NDUFA8: variants seen among roughly 807,000 people sequenced by gnomAD.
NDUFA8 encodes the protein NADH:ubiquinone oxidoreductase subunit A8, also known as NADH dehydrogenase [ubiquinone] 1 alpha subcomplex subunit 8.
In NDUFA8, 16 loss-of-function variants were observed where a neutral mutation model predicts 20.9. The ratio of observed to expected loss-of-function variants is 0.77; its 90% CI spans 0.52 to 1.16. The LOEUF (loss-of-function observed/expected upper bound fraction) is 1.16. Among genes scored for constraint, NDUFA8 ranks in the 50% most tolerant of loss-of-function variants. The pLI, the probability that NDUFA8 is intolerant of heterozygous loss-of-function variation, is 0.00. For synonymous variants in NDUFA8, 70 were observed against 76.1 expected (o/e 0.92, Z 0.41); for missense variants, 202 against 216.4 (o/e 0.93, Z 0.42).
downstream of NDUFA8, among the ~76,000 whole-genome samples, chr9:122,140,511 C>A (rs1202534044): frequency 6.6e-6 from 1 of 152,146 alleles, no homozygotes; most frequent in Non-Finnish European, 1.5e-5. Context: ...GGTTTTACAG[C>A]ACGTAAAGGG....
chr9:122,150,744 C>A (rs1056886053), intron 2 of NDUFA8, among the ~76,000 whole-genome samples: 1 of 151,804 alleles, frequency 6.6e-6, no homozygotes, highest in African/African-American at 2.4e-5. Context: ...CCAAGGAGAG[C>A]GGATCACTTG....
intron 3 of NDUFA8, 39 bp downstream of exon 3, chr9:122,148,073 T>A (rs1250160694): frequency 6.2e-7 from 1 of 1,613,010 alleles, no homozygotes; most frequent in Admixed American, 1.7e-5. Flanking sequence ...ATCCCACCCC[T>A]GAATCAGAAA....
chr9:122,152,112 G>T, intron 2 of NDUFA8, 133 bp downstream of exon 2: 1 of 987,944 alleles, frequency 1.0e-6, no homozygotes, highest in Non-Finnish European at 1.5e-6. Context: ...ATCATCCTTT[G>T]AATGTTTTAC....
intron 1 of NDUFA8, among the ~76,000 whole-genome samples, chr9:122,158,132 A>G (rs748827701): frequency 6.6e-6 from 1 of 152,194 alleles, no homozygotes; most frequent in Non-Finnish European, 1.5e-5. Context: ...CAGCCTGGGC[A>G]ACAGAGCGAG....
chr9:122,151,603 G>A (rs1418094026), intron 2 of NDUFA8, among the ~76,000 whole-genome samples: 3 of 152,144 alleles, frequency 2.0e-5, no homozygotes, highest in Non-Finnish European at 4.4e-5. Context: ...AAAGAGGAGA[G>A]GCAAAAAGAC....
rs113328578 is a variant in NDUFA8, at chr9:122,157,399, C to G, written c.51+2228G>C. Among the ~76,000 whole-genome samples, 445 of 152,334 alleles carry G rather than the reference C, an allele frequency of 2.9e-3. 5 individuals are homozygous for G. Among genetic ancestry groups the G allele is most frequent in the African/African-American group, 0.01 (416 of 41,582 alleles). On this transcript the variant is annotated intron_variant, in intron 1 of 3. Transcript: ENST00000373768. ...TGCTAAAATCAAGTAATCAAGGTGA[C>G]CGGCAGGTAGGCCTAGAATTTAGAT...
intron 2 of NDUFA8, among the ~76,000 whole-genome samples, chr9:122,149,358 A>G (rs886800006): frequency 2.0e-5 from 3 of 152,232 alleles, no homozygotes; most frequent in African/African-American, 2.4e-5. Flanking sequence ...CTGCACCCAC[A>G]TAACTTCTAC....
At chr9:122,138,597 G>A in the NDUFA8 span, among the ~76,000 whole-genome samples, 1 of 152,178 alleles carries the variant, frequency 6.6e-6, no homozygotes, top group Non-Finnish European at 1.5e-5. Flanking sequence ...ACTCTCTTTT[G>A]CAGAGGTGAT....
At chr9:122,138,872 G>GT in the NDUFA8 span, among the ~76,000 whole-genome samples, 1 of 141,724 alleles carries the variant, frequency 7.1e-6, no homozygotes, top group East Asian at 2.3e-4. Context: ...AGGTGGGGGG[G>GT]GGGCCATCTG....
chr9:122,152,176 TG>T, intron 2 of NDUFA8, 68 bp downstream of exon 2: 1 of 1,548,146 alleles, frequency 6.5e-7, no homozygotes, highest in African/African-American at 1.4e-5. Context: ...GATTATTAGC[TG>T]GCTGTTCACT....
intron 3 of NDUFA8, among the ~76,000 whole-genome samples, chr9:122,147,335 G>A (rs1244021177): frequency 6.6e-6 from 1 of 152,112 alleles, no homozygotes; most frequent in Non-Finnish European, 1.5e-5. Context: ...TAGCTCTGAT[G>A]TTTCAACAGA....
chr9:122,144,028 G>A (rs1341061445), downstream of NDUFA8: 18 of 1,390,956 alleles, frequency 1.3e-5, no homozygotes, highest in Non-Finnish European at 1.6e-5. Flanking sequence ...AAGGCCAAAA[G>A]GTCACATAAA....
intron 1 of NDUFA8, 93 bp downstream of exon 1, chr9:122,159,534 G>T: frequency 6.7e-7 from 1 of 1,495,568 alleles, no homozygotes; most frequent in Non-Finnish European, 9.3e-7. Context: ...GGGGGCCCGG[G>T]TCCCAGGATC....
Position 122,148,271 on chromosome 9 carries a change from T to C in NDUFA8, c.222A>G (p.Ile74Met). ...NKCALDFFRQ[I>M]KRHCAEPFTE... The stretch of plus-strand genomic sequence containing the variant: ...TAAAAGGCTCTGCACAGTGACGTTT[T>C]ATCTGCCTGGAAAAGAAAGCTGGGT... Residue 74 changes from isoleucine (I) to methionine (M), a missense_variant, in exon 3 of 4, where the codon ATA becomes ATG. Transcript: ENST00000373768. The C allele has an allele frequency of 6.2e-7, 1 of 1,614,186 alleles. No individual in the cohort carries two copies.
In NDUFA8 at chr9:122,144,290, T is replaced by G; in HGVS notation, c.470A>C (p.Asp157Ala). Residue 157 changes from aspartate to alanine, a missense_variant, in exon 4 of 4, where the codon GAT becomes GCT. Asp to Ala is a moderately radical substitution (Grantham distance 126). Transcript: ENST00000373768. Reference sequence around the variant, plus strand: ...GCTGCCATGTGTGGCAGGCTGCAGATCTCCCTCGATCTCAGGGCTGGGATC... The same window carrying G: ...GCTGCCATGTGTGGCAGGCTGCAGAGCTCCCTCGATCTCAGGGCTGGGATC... ...RPDPSPEIEG[D>A]LQPATHGSRF... 4 of 1,614,122 alleles carry G rather than the reference T, an allele frequency of 2.5e-6. No homozygotes were observed. The highest frequency in any genetic ancestry group is 3.4e-6 in the Non-Finnish European group (4 of 1,180,022).
intron 3 of NDUFA8, 63 bp downstream of exon 3, chr9:122,148,049 C>G: frequency 6.2e-7 from 1 of 1,602,084 alleles, no homozygotes; most frequent in Non-Finnish European, 8.5e-7. Flanking sequence ...CTTTGCTGAC[C>G]ACCTCCTGCC....
At chr9:122,133,925 G>A in the NDUFA8 span, among the ~76,000 whole-genome samples, 80 of 152,316 alleles carry the variant, frequency 5.3e-4, no homozygotes, top group African/African-American at 1.9e-3. Flanking sequence ...CCCACCTCCT[G>A]AGACCCGGCC....
intron 1 of NDUFA8, among the ~76,000 whole-genome samples, chr9:122,158,108 G>A (rs1415370068): frequency 6.6e-6 from 1 of 152,102 alleles, no homozygotes; most frequent in Non-Finnish European, 1.5e-5. Flanking sequence ...GGCCAATATC[G>A]CGCCACTGCA....
At chr9:122,141,567 G>A (rs575393648), downstream of NDUFA8, among the ~76,000 whole-genome samples, 2 of 152,304 alleles carry the variant, frequency 1.3e-5, no homozygotes, top group South Asian at 4.1e-4. Flanking sequence ...AACTCAGATA[G>A]GGAAGACAGG....
Sources: gnomAD v4.1 joint callset for allele counts (sites outside exome capture counted in the v4.1 genomes callset) on GRCh38, gnomAD v4.1.1 for gene constraint, MANE v1.5 for transcripts, NCBI Gene and HGNC (gene_info 2026-07-23, HGNC 2026-07-21) for gene names.